Variants in SPATS2L observed in about 807,000 individuals in gnomAD.
SPATS2L encodes the protein spermatogenesis associated serine rich 2 like.
In SPATS2L, 30 loss-of-function variants were observed where a neutral mutation model predicts 59.6. The observed-to-expected ratio is 0.50, with a 90% CI of 0.38 to 0.68. SPATS2L has a LOEUF of 0.68. SPATS2L is among the 30% of genes least tolerant of loss of function. The probability of loss-of-function intolerance (pLI) is 0.00; values close to 1 mark genes in which losing one functional copy is unlikely to be tolerated. For synonymous variants in SPATS2L, 252 were observed against 263.5 expected, an observed-to-expected ratio of 0.96 and a Z score of 0.42; for missense variants, 615 against 700.0, an observed-to-expected ratio of 0.88 and a Z score of 1.37.
intron 8 of SPATS2L, among the ~76,000 whole-genome samples, chr2:200,452,733 C>A (rs2085547361): frequency 1.3e-5 from 2 of 152,212 alleles, no homozygotes; most frequent in South Asian, 4.1e-4. Flanking sequence ...CACTCTATTT[C>A]CCGGATGAGC....
chr2:200,392,106 TAA>T (rs1339527164), intron 3 of SPATS2L, among the ~76,000 whole-genome samples: 1 of 152,230 alleles, frequency 6.6e-6, no homozygotes, highest in African/African-American at 2.4e-5. Flanking sequence ...TTCAAAATGA[TAA>T]GTGTCTTTTT....
chr2:200,320,562 T>C (rs1011802010), intron 1 of SPATS2L, among the ~76,000 whole-genome samples: 1 of 152,222 alleles, frequency 6.6e-6, no homozygotes, highest in Admixed American at 6.5e-5. Context: ...GTCGTCAGGC[T>C]GAGGCATGTC....
intron 8 of SPATS2L, among the ~76,000 whole-genome samples, chr2:200,449,680 A>AAT (rs1218251803): frequency 6.6e-6 from 1 of 152,268 alleles, no homozygotes; most frequent in Non-Finnish European, 1.5e-5. Context: ...TCTTTTAAAA[A>AAT]ATATATATGC....
intron 1 of SPATS2L, among the ~76,000 whole-genome samples, chr2:200,312,034 C>G (rs1382298984): frequency 6.6e-6 from 1 of 152,200 alleles, no homozygotes; most frequent in Non-Finnish European, 1.5e-5. Context: ...TAGGAGTCTT[C>G]TGAGCATTGG....
intron 2 of SPATS2L, among the ~76,000 whole-genome samples, chr2:200,347,744 G>A (rs1203034427): frequency 6.6e-6 from 1 of 152,162 alleles, no homozygotes; most frequent in Non-Finnish European, 1.5e-5. Flanking sequence ...AAGTATGCCA[G>A]TTTCTTCTCT....
chr2:200,374,524 A>G (rs1482962960), intron 2 of SPATS2L, among the ~76,000 whole-genome samples: 1 of 152,066 alleles, frequency 6.6e-6, no homozygotes, highest in African/African-American at 2.4e-5. Flanking sequence ...TGTGCATGGC[A>G]ATATACACCC....
At chr2:200,418,344 A>C (rs1389751712) in intron 5 of SPATS2L, among the ~76,000 whole-genome samples, 1 of 152,112 alleles carries the variant, frequency 6.6e-6, no homozygotes, top group Non-Finnish European at 1.5e-5. Flanking sequence ...AGGCAGAGGC[A>C]AGAGAATCAC....
intron 1 of SPATS2L, among the ~76,000 whole-genome samples, chr2:200,315,300 T>C (rs3820888): frequency 0.36 from 55,162 of 152,012 alleles, 11,342 homozygotes; most frequent in East Asian, 0.72. Flanking sequence ...GGGCATAGTG[T>C]GGAAAGCACT....
intron 2 of SPATS2L, among the ~76,000 whole-genome samples, chr2:200,342,983 T>A (rs956157066): frequency 4.4e-4 from 67 of 152,358 alleles, no homozygotes; most frequent in African/African-American, 1.3e-3. Flanking sequence ...AAATAAAATG[T>A]GTGGTCTGAC....
chr2:200,413,765 C>T (rs1343254065), intron 4 of SPATS2L, among the ~76,000 whole-genome samples: 1 of 152,182 alleles, frequency 6.6e-6, no homozygotes, highest in African/African-American at 2.4e-5. Context: ...CTGATATCAG[C>T]AGTCAAGGTT....
chr2:200,325,498 C>T (rs866388789), intron 1 of SPATS2L, among the ~76,000 whole-genome samples: 20 of 152,166 alleles, frequency 1.3e-4, no homozygotes, highest in African/African-American at 4.8e-4. Context: ...GCTGCCTCAG[C>T]CTCCCGAGTA....
At chr2:200,319,257 C>T (rs979045107) in intron 1 of SPATS2L, among the ~76,000 whole-genome samples, 6 of 152,170 alleles carry the variant, frequency 3.9e-5, no homozygotes, top group African/African-American at 1.4e-4. Context: ...ACTACTCTAT[C>T]AATGCCATCT....
chr2:200,371,956 G>C (rs1378292064), intron 2 of SPATS2L, among the ~76,000 whole-genome samples: 4 of 152,166 alleles, frequency 2.6e-5, no homozygotes, highest in Non-Finnish European at 5.9e-5. Context: ...CCGTAGATTT[G>C]AGGCATTTCT....
At chr2:200,459,695 C>T (rs1235839220) in intron 8 of SPATS2L, 74 bp from the exon 9 acceptor site, 4 of 1,110,790 alleles carry the variant, frequency 3.6e-6, no homozygotes, top group African/African-American at 1.6e-5. Flanking sequence ...AATAATTTTA[C>T]TTTCAGTGCT....
chr2:200,451,832 CTTTTCT>C (rs1287793484), intron 8 of SPATS2L, among the ~76,000 whole-genome samples: 2 of 148,490 alleles, frequency 1.3e-5, no homozygotes, highest in Admixed American at 6.7e-5. Context: ...TTTCTTTTTT[CTTTTCT>C]TTTTTTGGAA....
chr2:200,465,263 A>G (rs1244639296), intron 9 of SPATS2L, among the ~76,000 whole-genome samples: 4 of 152,238 alleles, frequency 2.6e-5, no homozygotes, highest in East Asian at 3.8e-4. Context: ...GTTTGTCACC[A>G]TGTAGGAAGG....
At chr2:200,350,475 T>C (rs557169283) in intron 2 of SPATS2L, among the ~76,000 whole-genome samples, 8 of 152,112 alleles carry the variant, frequency 5.3e-5, no homozygotes, top group Admixed American at 1.3e-4. Context: ...TTAAAAAATA[T>C]ATTATTTAAA....
In SPATS2L at chr2:200,448,455, A is replaced by AAAC. The variant is rs888577250; in HGVS notation, c.788+7689_788+7691dup. Among the ~76,000 whole-genome samples, 15 of 152,262 alleles carry AAAC rather than the reference A, an allele frequency of 9.9e-5. No individual in the cohort carries two copies. In the East Asian group the frequency reaches 1.3e-3, roughly 14 times the overall value. ...AGACACTGTCTAAACAACAAAAACA[A>AAAC]AACAACAACAACAACAACAAAATCA... On this transcript the variant is annotated intron_variant, in intron 8 of 12. Coordinates refer to ENST00000409140, the MANE Select transcript of SPATS2L (RefSeq NM_001100423.2).
intron 9 of SPATS2L, among the ~76,000 whole-genome samples, chr2:200,464,202 T>C (rs182014053): frequency 6.6e-6 from 1 of 152,348 alleles, no homozygotes; most frequent in East Asian, 1.9e-4. Context: ...TGTTTGTTTG[T>C]GTGATTGATG....
Sources: allele counts gnomAD v4.1 joint callset (sites outside exome capture counted in the v4.1 genomes callset), GRCh38; gene constraint gnomAD v4.1.1; transcripts MANE v1.5; gene names NCBI Gene and HGNC (gene_info 2026-07-23, HGNC 2026-07-21).